MACROD2: variants seen among roughly 807,000 people sequenced by gnomAD.
MACROD2 encodes mono-ADP ribosylhydrolase 2.
A neutral mutation model predicts 70.4 loss-of-function variants in MACROD2; 36 were observed. That is an observed-to-expected ratio of 0.51 (90% CI 0.39 to 0.68). The LOEUF (loss-of-function observed/expected upper bound fraction) is 0.68. Ranked by LOEUF, MACROD2 falls within the 30% of genes least tolerant of loss-of-function variation. The probability of loss-of-function intolerance (pLI) is 0.00; values close to 1 mark genes in which losing one functional copy is unlikely to be tolerated. For synonymous variants in MACROD2, 172 were observed against 178.8 expected, an observed-to-expected ratio of 0.96 and a Z score of 0.30; for missense variants, 496 against 538.4, an observed-to-expected ratio of 0.92 and a Z score of 0.78.
At chr20:14,591,379 C>T (rs374249184) in intron 4 of MACROD2, among the ~76,000 whole-genome samples, 1 of 152,166 alleles carries the variant, frequency 6.6e-6, no homozygotes, top group African/African-American at 2.4e-5. Flanking sequence ...TATTTGCTCT[C>T]TCTTATTCTG....
intron 5 of MACROD2, among the ~76,000 whole-genome samples, chr20:14,980,104 C>T (rs1336899370): frequency 6.6e-6 from 1 of 152,068 alleles, no homozygotes; most frequent in Non-Finnish European, 1.5e-5. Flanking sequence ...ATCTTGCTGT[C>T]ATTTGAATAT....
intron 8 of MACROD2, among the ~76,000 whole-genome samples, chr20:15,762,963 C>A (rs904847707): frequency 6.6e-6 from 1 of 152,116 alleles, no homozygotes; most frequent in Non-Finnish European, 1.5e-5. Flanking sequence ...TCCAGATAAC[C>A]ATTTGGTGAG....
At chr20:15,493,961 C>T (rs2047262852) in intron 7 of MACROD2, among the ~76,000 whole-genome samples, 2 of 152,214 alleles carry the variant, frequency 1.3e-5, no homozygotes, top group Non-Finnish European at 2.9e-5. Flanking sequence ...TGTTTCACTT[C>T]TGTCTCTTTT....
At chr20:14,814,628 G>A (rs1463722654) in intron 5 of MACROD2, among the ~76,000 whole-genome samples, 1 of 151,934 alleles carries the variant, frequency 6.6e-6, no homozygotes, top group Non-Finnish European at 1.5e-5. Flanking sequence ...GCCTTCTAAA[G>A]GAGGATATAT....
chr20:15,161,610 A>G (rs1331475154), intron 5 of MACROD2, among the ~76,000 whole-genome samples: 3 of 151,930 alleles, frequency 2.0e-5, no homozygotes, highest in Non-Finnish European at 4.4e-5. Context: ...AAAATCCAGT[A>G]AATTACGATT....
At chr20:14,772,383 G>A (rs911390230) in intron 5 of MACROD2, among the ~76,000 whole-genome samples, 1 of 152,052 alleles carries the variant, frequency 6.6e-6, no homozygotes, top group Non-Finnish European at 1.5e-5. Context: ...TAAGAAAGAG[G>A]TTTAACTGGA....
At chr20:14,147,506 A>T (rs1393568282) in intron 3 of MACROD2, among the ~76,000 whole-genome samples, 6 of 152,190 alleles carry the variant, frequency 3.9e-5, no homozygotes, top group African/African-American at 1.4e-4. Context: ...AGTTCTTGCT[A>T]TGGGACAGTT....
chr20:15,090,005 C>T (rs1001510276), intron 5 of MACROD2, among the ~76,000 whole-genome samples: 13 of 152,056 alleles, frequency 8.5e-5, no homozygotes, highest in Admixed American at 6.6e-5. Flanking sequence ...TACGTAGGAT[C>T]AGCTTTCAGA....
Position 13,995,584 on chromosome 20 carries a change from C to T in MACROD2, c.-180C>T, listed in dbSNP as rs2052624541. 7 of 682,344 alleles carry T rather than the reference C, an allele frequency of 1.0e-5. No individual in the cohort carries two copies. Among genetic ancestry groups the T allele is most frequent in the Non-Finnish European group, 1.6e-5 (6 of 373,588 alleles). The allele number at this position is 682,344 out of a possible 1,614,324, so 42.3% of individuals were successfully genotyped here. ...GGCGGGTGGGAGCCGGAGCCGAGCG[C>T]GGGCTGAGGGAGGAGGGCGGCGACT... On this transcript the variant is annotated 5_prime_UTR_variant, in exon 1 of 18. Coordinates refer to ENST00000684519, the MANE Select transcript of MACROD2 (RefSeq NM_001351661.2). The surrounding 1 kb of genome is among the most constrained non-coding windows in gnomAD (Gnocchi z 4.3).
intron 8 of MACROD2, among the ~76,000 whole-genome samples, chr20:15,536,114 C>G (rs2047871465): frequency 6.6e-6 from 1 of 152,204 alleles, no homozygotes; most frequent in African/African-American, 2.4e-5. Context: ...ACCGTTCCCC[C>G]TCATCAGCAC....
At chr20:15,539,084 T>C (rs1010105043) in intron 8 of MACROD2, among the ~76,000 whole-genome samples, 1 of 152,222 alleles carries the variant, frequency 6.6e-6, no homozygotes, top group African/African-American at 2.4e-5. Context: ...TTTTCATCTT[T>C]TTTTCTGAGT....
intron 3 of MACROD2, among the ~76,000 whole-genome samples, chr20:14,435,438 T>G (rs1363289240): frequency 6.6e-6 from 1 of 152,154 alleles, no homozygotes; most frequent in Non-Finnish European, 1.5e-5. Context: ...GGGGCACCAT[T>G]CAGCTCACTG....
intron 3 of MACROD2, among the ~76,000 whole-genome samples, chr20:14,470,337 G>T (rs1436945694): frequency 6.6e-6 from 1 of 152,028 alleles, no homozygotes; most frequent in East Asian, 1.9e-4. Context: ...ATGCTAGCCG[G>T]AGCTCTCCTA....
chr20:14,994,481 T>C (rs1351780935), intron 5 of MACROD2, among the ~76,000 whole-genome samples: 1 of 151,820 alleles, frequency 6.6e-6, no homozygotes, highest in Non-Finnish European at 1.5e-5. Context: ...GGTTGAAGAG[T>C]AGGGGATCAA....
intron 15 of MACROD2, among the ~76,000 whole-genome samples, chr20:16,033,856 GT>G (rs1206329125): frequency 6.7e-6 from 1 of 150,070 alleles, no homozygotes; most frequent in African/African-American, 2.4e-5. Context: ...ACAGTAGGGG[GT>G]GGGGTGGGGG....
intron 8 of MACROD2, among the ~76,000 whole-genome samples, chr20:15,537,804 A>G (rs1167775087): frequency 6.6e-6 from 1 of 151,974 alleles, no homozygotes; most frequent in Non-Finnish European, 1.5e-5. Context: ...AACTCTTACA[A>G]ATCTCATTCT....
At chr20:15,165,867 C>T (rs981854112) in intron 5 of MACROD2, among the ~76,000 whole-genome samples, 1 of 151,920 alleles carries the variant, frequency 6.6e-6, no homozygotes, top group African/African-American at 2.4e-5. Context: ...ATAATATGCT[C>T]AAACTAGAAG....
chr20:14,660,353 G>A (rs772032655), intron 4 of MACROD2, among the ~76,000 whole-genome samples: 2 of 152,296 alleles, frequency 1.3e-5, no homozygotes, highest in South Asian at 2.1e-4. Context: ...AAACCTCAGT[G>A]CTTCTCACAT....
intron 3 of MACROD2, among the ~76,000 whole-genome samples, chr20:14,447,880 G>A (rs1472960577): frequency 6.6e-6 from 1 of 151,680 alleles, no homozygotes; most frequent in Non-Finnish European, 1.5e-5. Flanking sequence ...AGAGGCTGAG[G>A]GGGAATTAGC....
Sources: gnomAD v4.1 joint callset for allele counts (sites outside exome capture counted in the v4.1 genomes callset) on GRCh38, gnomAD v4.1.1 for gene constraint, Gnocchi (gnomAD v3.1) non-coding constraint, MANE v1.5 for transcripts, NCBI Gene and HGNC (gene_info 2026-07-23, HGNC 2026-07-21) for gene names.